KCNQ1: variants seen among roughly 807,000 people sequenced by gnomAD.
KCNQ1 encodes the protein potassium voltage-gated channel subfamily KQT member 1.
In KCNQ1, 49 loss-of-function variants were observed where a neutral mutation model predicts 72.4. That is an observed-to-expected ratio of 0.68 (90% CI 0.54 to 0.86). The LOEUF (loss-of-function observed/expected upper bound fraction) is 0.86. Among genes scored for constraint, KCNQ1 ranks in the 40% least tolerant of loss-of-function variants. The pLI is 0.00. For synonymous variants in KCNQ1, 450 were observed against 412.6 expected, an observed-to-expected ratio of 1.09 and a Z score of -1.10; for missense variants, 790 against 945.1, an observed-to-expected ratio of 0.84 and a Z score of 2.15.
Position 2,777,990 on chromosome 11 carries a change from C to A in KCNQ1, c.1747C>A (p.Arg583Ser), listed in dbSNP as rs17221854. Residue 583 changes from arginine to serine, a missense_variant, in exon 15 of 16, where the codon CGC becomes AGC. By Grantham distance (110) the Arg-to-Ser change is moderately radical. Transcript: ENST00000155840. ...FISVSEKSKD[R>S]GSNTIGARLN... ...ATCCCCCATAGAAAAGAGCAAGGAT[C>A]GCGGCAGCAACACGATCGGCGCCCG... 1 of 1,613,808 alleles carries A rather than the reference C, an allele frequency of 6.2e-7. No individual in the cohort carries two copies. The highest frequency in any genetic ancestry group is 8.5e-7 in the Non-Finnish European group (1 of 1,180,008).
chr11:2,470,651 T>C (rs548971568), intron 1 of KCNQ1, among the ~76,000 whole-genome samples: 2 of 150,914 alleles, frequency 1.3e-5, no homozygotes, highest in South Asian at 4.3e-4. Context: ...TGAACTCAGC[T>C]TCCAGGGTTT....
rs543146606 is a variant in KCNQ1 at position 2,483,488 on chromosome 11, G to A, written c.386+38004G>A. Among the ~76,000 whole-genome samples the A allele has an allele frequency of 3.8e-4, 58 of 152,182 alleles. 1 individual carries two copies. The highest frequency in any genetic ancestry group is 1.3e-3 in the Admixed American group (20 of 15,292). On this transcript the variant is annotated intron_variant, in intron 1 of 15. Coordinates refer to ENST00000155840, the MANE Select transcript of KCNQ1 (RefSeq NM_000218.3). This position sits in a 1 kb window ranked among gnomAD's most constrained non-coding sequence, Gnocchi z 6.1. The stretch of plus-strand genomic sequence containing the variant: ...CAAATCCCGCGTTTTTCTAGCATCC[G>A]GTTTCTGTTCTGTGATCCCCACGTT...
intron 11 of KCNQ1, chr11:2,662,802 T>C (rs776290074): frequency 1.5e-5 from 6 of 398,912 alleles, no homozygotes; most frequent in African/African-American, 4.1e-5. Flanking sequence ...TGTCAAGATC[T>C]GTGAGTGACA....
rs1851011485 is a variant in KCNQ1, at chr11:2,711,706, T to C, written c.1514+49625T>C. ...TAAACTGTGCTTAAACTAAGTGAGG[T>C]ATCTTAAGGCTTTACCACCAGGGAA... is the stretch of plus-strand genomic sequence containing the variant. On this transcript the variant is annotated intron_variant, in intron 11 of 15. Coordinates refer to ENST00000155840, the MANE Select transcript of KCNQ1 (RefSeq NM_000218.3). This position sits in a 1 kb window ranked among gnomAD's most constrained non-coding sequence, Gnocchi z 5.4. Among the ~76,000 whole-genome samples the C allele has an allele frequency of 2.6e-5, 4 of 152,138 alleles. No individual in the cohort carries two copies. In the South Asian group the frequency reaches 8.3e-4, roughly 32 times the overall value.
chr11:2,612,003 T>A lies in KCNQ1; in HGVS notation c.1393+23149T>A, dbSNP rs1250455848. ...CTCAGTACTCTTATTAACACATATGTTGTTACTCCTTAATTCCACATATGT... is the reference window on the plus strand; with the variant it reads ...CTCAGTACTCTTATTAACACATATGATGTTACTCCTTAATTCCACATATGT... On this transcript the variant is annotated intron_variant, in intron 10 of 15. Coordinates refer to ENST00000155840, the MANE Select transcript of KCNQ1 (RefSeq NM_000218.3). The surrounding 1 kb of genome is among the most constrained non-coding windows in gnomAD (Gnocchi z 5.5). 3 of 398,548 alleles carry A rather than the reference T, an allele frequency of 7.5e-6. No individual in the cohort carries two copies. The highest frequency in any genetic ancestry group is 1.3e-5 in the Non-Finnish European group (3 of 226,068). The allele number at this position is 398,548 out of a possible 1,614,324, so 24.7% of individuals were successfully genotyped here.
Position 2,661,856 on chromosome 11 carries a change from C to A in KCNQ1, c.1394-105C>A. The A allele has an allele frequency of 2.8e-6, 4 of 1,436,224 alleles. No individual in the cohort carries two copies. The highest frequency in any genetic ancestry group is 3.9e-6 in the Non-Finnish European group (4 of 1,022,072). The allele number at this position is 1,436,224 out of a possible 1,614,324, so 89.0% of individuals were successfully genotyped here. On this transcript the variant is annotated intron_variant, in intron 10 of 15. Coordinates refer to ENST00000155840, the MANE Select transcript of KCNQ1 (RefSeq NM_000218.3). The surrounding 1 kb of genome is among the most constrained non-coding windows in gnomAD (Gnocchi z 5.9). Reference sequence around the variant, plus strand: ...TTGTCAGGGCTGGAGCTTCCAGGCACAAGCTCCACTCCTCACCTGGCCCTG... The same window carrying A: ...TTGTCAGGGCTGGAGCTTCCAGGCAAAAGCTCCACTCCTCACCTGGCCCTG...
In KCNQ1 at chr11:2,450,145, G is replaced by A. The variant is rs910527513; in HGVS notation, c.386+4661G>A. Among the ~76,000 whole-genome samples, 14 of 152,198 alleles carry A rather than the reference G, an allele frequency of 9.2e-5. No individual in the cohort carries two copies. The highest frequency in any genetic ancestry group is 2.6e-4 in the Admixed American group (4 of 15,288). ...CCCTGACATTCCAAACTGGCTTTTG[G>A]CCCCTGCGATATCTTGCTGTGATTC... On this transcript the variant is annotated intron_variant, in intron 1 of 15. Coordinates refer to ENST00000155840, the MANE Select transcript of KCNQ1 (RefSeq NM_000218.3). The surrounding 1 kb of genome is among the most constrained non-coding windows in gnomAD (Gnocchi z 7.9).
chr11:2,573,307 G>T (rs938191228), intron 6 of KCNQ1, among the ~76,000 whole-genome samples: 1 of 152,096 alleles, frequency 6.6e-6, no homozygotes, highest in East Asian at 1.9e-4. Flanking sequence ...TCTGCCTCCC[G>T]CCATCGTCCT....
rs1195692156 is a variant in KCNQ1, at chr11:2,534,487, C to T, written c.477+6469C>T. 2.6e-5 allele frequency among the ~76,000 whole-genome samples: 4 copies of T among 152,258 alleles called. No individual in the cohort carries two copies. The East Asian group carries it at 5.8e-4, about 22-fold the overall frequency. On this transcript the variant is annotated intron_variant, in intron 2 of 15. Transcript: ENST00000155840. ...TCTGACTCCCTCTGCAGCTGCCGCC[C>T]GCTGAGGGTTGTCTTCCTCCCTGCC...
At chr11:2,487,851 T>C (rs1589908192) in intron 1 of KCNQ1, among the ~76,000 whole-genome samples, 1 of 152,308 alleles carries the variant, frequency 6.6e-6, no homozygotes, top group East Asian at 1.9e-4. Context: ...TGGATGCCTT[T>C]TATTTCTTTT....
rs556888136 is a variant in KCNQ1, at chr11:2,464,232, G to T, written c.386+18748G>T. Among the ~76,000 whole-genome samples, 1 of 152,336 alleles carries T rather than the reference G, an allele frequency of 6.6e-6. No homozygotes were observed. The highest frequency in any genetic ancestry group is 6.5e-5 in the Admixed American group (1 of 15,306). On this transcript the variant is annotated intron_variant, in intron 1 of 15. Coordinates refer to ENST00000155840, the MANE Select transcript of KCNQ1 (RefSeq NM_000218.3). This position sits in a 1 kb window ranked among gnomAD's most constrained non-coding sequence, Gnocchi z 5.0. ...GGACGTCCAGGTGTGGAATGGCCCG[G>T]ACAGCAGATAACAAGCCTTCGTCGT...
At position 2,768,776 on chromosome 11, in the gene KCNQ1, C is replaced by G; in HGVS notation, c.1515-68C>G. 8.3e-7 allele frequency: 1 copy of G among 1,202,004 alleles called. No individual in the cohort carries two copies. Among genetic ancestry groups the G allele is most frequent in the South Asian group, 1.2e-5 (1 of 82,714 alleles). The allele number at this position is 1,202,004 out of a possible 1,614,324, so 74.5% of individuals were successfully genotyped here. A position where few individuals can be genotyped will look rare whatever the true frequency, so the allele number is the denominator to read the frequency against. ...CAGTCTGCGTGCTCCTCAGGCAGTGCAGGGGCAGTGAGGGGATGACCAGCA... is the reference window on the plus strand; with the variant it reads ...CAGTCTGCGTGCTCCTCAGGCAGTGGAGGGGCAGTGAGGGGATGACCAGCA... On this transcript the variant is annotated intron_variant, in intron 11 of 15. Transcript: ENST00000155840. The surrounding 1 kb of genome is among the most constrained non-coding windows in gnomAD (Gnocchi z 6.7).
chr11:2,480,521 A>C (rs1438485529), intron 1 of KCNQ1, among the ~76,000 whole-genome samples: 1 of 152,198 alleles, frequency 6.6e-6, no homozygotes, highest in Non-Finnish European at 1.5e-5. Flanking sequence ...CACGAGAACA[A>C]TATGGGAGAA....
chr11:2,474,513 T>C (rs1846542966), intron 1 of KCNQ1, among the ~76,000 whole-genome samples: 1 of 152,172 alleles, frequency 6.6e-6, no homozygotes, highest in South Asian at 2.1e-4. Context: ...GCAGAGGCCA[T>C]CTGAGGCTGC....
At chr11:2,716,222 G>A (rs184098443) in intron 11 of KCNQ1, among the ~76,000 whole-genome samples, 34 of 152,134 alleles carry the variant, frequency 2.2e-4, no homozygotes, top group African/African-American at 4.3e-4. Flanking sequence ...TACCCTCTCC[G>A]GGCCAGGCTC....
rs559218234 is a variant in KCNQ1, at chr11:2,462,587, C to T, written c.386+17103C>T. 1.3e-5 allele frequency among the ~76,000 whole-genome samples: 2 copies of T among 152,288 alleles called. No homozygotes were observed. Among genetic ancestry groups the T allele is most frequent in the Non-Finnish European group, 2.9e-5 (2 of 68,018 alleles). On this transcript the variant is annotated intron_variant, in intron 1 of 15. Transcript: ENST00000155840. The surrounding 1 kb of genome is among the most constrained non-coding windows in gnomAD (Gnocchi z 8.2). The stretch of plus-strand genomic sequence containing the variant: ...AGTGGCAGGGACGTGCTCCCACACC[C>T]CCATGCGCCATCCTGCAGGTGCTTT...
At chr11:2,500,357 T>C (rs1846989843) in intron 1 of KCNQ1, among the ~76,000 whole-genome samples, 1 of 152,160 alleles carries the variant, frequency 6.6e-6, no homozygotes, top group Non-Finnish European at 1.5e-5. Context: ...ATGGCGATCA[T>C]TAAAAAATCA....
Position 2,646,617 on chromosome 11 carries a change from C to T in KCNQ1, c.1394-15344C>T, listed in dbSNP as rs941191070. 29 of 398,510 alleles carry T rather than the reference C, an allele frequency of 7.3e-5. No individual in the cohort carries two copies. The Middle Eastern group carries it at 1.9e-3, about 26-fold the overall frequency. 24.7% of individuals were successfully genotyped at this position (398,510 alleles called of 1,614,324 possible). ...TTCTGCTCACTGCAACCTTCACCTCCGAGGTTCAAGTGATCCTCCCATCTC... is the reference window on the plus strand; with the variant it reads ...TTCTGCTCACTGCAACCTTCACCTCTGAGGTTCAAGTGATCCTCCCATCTC... On this transcript the variant is annotated intron_variant, in intron 10 of 15. Transcript: ENST00000155840.
chr11:2,717,257 C>G (rs948193787), intron 11 of KCNQ1, among the ~76,000 whole-genome samples: 4 of 152,180 alleles, frequency 2.6e-5, no homozygotes, highest in Non-Finnish European at 4.4e-5. Context: ...ATTTCAAAGG[C>G]TGTTGGGGAG....
Sources: allele counts gnomAD v4.1 joint callset (sites outside exome capture counted in the v4.1 genomes callset), GRCh38; gene constraint gnomAD v4.1.1; non-coding constraint Gnocchi (gnomAD v3.1); transcripts MANE v1.5; gene names NCBI Gene and HGNC (gene_info 2026-07-23, HGNC 2026-07-21).